The following CTNNA3 variants were observed in gnomAD, a reference collection of about 807,000 sequenced individuals.
CTNNA3 encodes the protein catenin alpha-3.
CTNNA3 carries 76 observed loss-of-function variants against 95.7 expected under a neutral mutation model. That is an observed-to-expected ratio of 0.79 (90% CI 0.66 to 0.96). The LOEUF (loss-of-function observed/expected upper bound fraction) is 0.96, where lower values mean the gene tolerates loss of function less well. CTNNA3 is among the 40% of genes least tolerant of loss of function. CTNNA3 has a pLI of 0.00. For missense variants in CTNNA3, 1,191 were observed against 1,089.8 expected (o/e 1.09, Z -1.31); for synonymous variants, 431 against 374.4 (o/e 1.15, Z -1.74).
At chr10:67,607,873 AT>A (rs933760806) in intron 2 of CTNNA3, among the ~76,000 whole-genome samples, 3 of 152,194 alleles carry the variant, frequency 2.0e-5, no homozygotes, top group Admixed American at 2.0e-4. Context: ...CTGAACACCT[AT>A]TTTTTACATT....
chr10:67,622,368 T>C (rs970368073), intron 2 of CTNNA3, among the ~76,000 whole-genome samples: 13 of 152,290 alleles, frequency 8.5e-5, no homozygotes, highest in African/African-American at 2.2e-4. Context: ...TCTGAATTCA[T>C]TGAGGAAAAG....
intron 1 of CTNNA3, among the ~76,000 whole-genome samples, chr10:67,722,885 C>T (rs1268985517): frequency 2.6e-5 from 4 of 151,860 alleles, no homozygotes; most frequent in Non-Finnish European, 4.4e-5. Flanking sequence ...GATTAAAATC[C>T]CTTCTATGGA....
rs575837338 is a variant in CTNNA3 at position 67,049,593 on chromosome 10, G to A, written c.1047+130724C>T. Among the ~76,000 whole-genome samples, 4 of 151,846 alleles carry A rather than the reference G, an allele frequency of 2.6e-5. No homozygotes were observed. In the East Asian group the frequency reaches 7.7e-4, roughly 29 times the overall value. On this transcript the variant is annotated intron_variant, in intron 7 of 17. Transcript: ENST00000433211. ...CACAAGGTTGCTTTGTGTTTAACTTGAACAAAAAAGGGAAAATAAACAACA... is the reference window on the plus strand; with the variant it reads ...CACAAGGTTGCTTTGTGTTTAACTTAAACAAAAAAGGGAAAATAAACAACA...
intron 7 of CTNNA3, among the ~76,000 whole-genome samples, chr10:66,954,829 T>C (rs1848707089): frequency 6.6e-6 from 1 of 152,090 alleles, no homozygotes; most frequent in African/African-American, 2.4e-5. Flanking sequence ...ATTATAGGCC[T>C]TGGGCTACAA....
Position 65,982,294 on chromosome 10 carries a change from G to A in CTNNA3, c.2265+6398C>T, listed in dbSNP as rs187111577. Among the ~76,000 whole-genome samples, 62 of 150,796 alleles carry A rather than the reference G, an allele frequency of 4.1e-4. 2 individuals carry two copies. The East Asian group carries it at 6.6e-3, about 16-fold the overall frequency. On this transcript the variant is annotated intron_variant, in intron 16 of 17. Coordinates refer to ENST00000433211, the MANE Select transcript of CTNNA3 (RefSeq NM_013266.4). ...GGGAAATGCAAATCAAAACCACAAC[G>A]AGATACCACCTTACTCTTGTAAGAA...
Position 67,740,383 on chromosome 10 carries a change from G to T in CTNNA3, c.-2+23051C>A, listed in dbSNP as rs956408844. Among the ~76,000 whole-genome samples the T allele has an allele frequency of 3.7e-4, 56 of 151,526 alleles. 2 individuals are homozygous for T. The highest frequency in any genetic ancestry group is 2.9e-4 in the Non-Finnish European group (20 of 67,838). On this transcript the variant is annotated intron_variant, in intron 1 of 17. Coordinates refer to the CTNNA3 transcript ENST00000684154. ...AGAGTGAACAGGCAACCCACAAAAT[G>T]GGAGAAAATTTTCACAGCCTGCTCA...
intron 13 of CTNNA3, among the ~76,000 whole-genome samples, chr10:66,132,993 C>A (rs950756298): frequency 6.6e-6 from 1 of 151,712 alleles, no homozygotes; most frequent in Admixed American, 6.6e-5. Flanking sequence ...TACAGCAAAC[C>A]CCCGTGACAC....
At chr10:66,802,419 A>G in intron 7 of CTNNA3, among the ~76,000 whole-genome samples, 1 of 151,774 alleles carries the variant, frequency 6.6e-6, no homozygotes, top group East Asian at 1.9e-4. Context: ...CTCAACATCA[A>G]ATATCATTAC....
chr10:67,640,166 CAAAATCAATGTGCA>C lies in CTNNA3; in HGVS notation c.99+7235_99+7248del, dbSNP rs577746544. On this transcript the variant is annotated intron_variant, in intron 2 of 17. Coordinates refer to ENST00000433211, the MANE Select transcript of CTNNA3 (RefSeq NM_013266.4). ...GCAACTACAGCAAAGTCTCAGGATACAAAATCAATGTGCAAAAATCACAAGCATTCTTATACACC... is the reference window on the plus strand; with the variant it reads ...GCAACTACAGCAAAGTCTCAGGATACAAAATCACAAGCATTCTTATACACC... Among the ~76,000 whole-genome samples the C allele has an allele frequency of 9.9e-3, 1,514 of 152,288 alleles. 31 individuals carry two copies. Among genetic ancestry groups the C allele is most frequent in the African/African-American group, 0.035 (1,442 of 41,558 alleles).
At chr10:66,303,502 A>C (rs2091891840) in intron 12 of CTNNA3, among the ~76,000 whole-genome samples, 1 of 152,052 alleles carries the variant, frequency 6.6e-6, no homozygotes, top group Non-Finnish European at 1.5e-5. Flanking sequence ...GGGTAAAAAA[A>C]CTTTTTTATT....
In CTNNA3 at chr10:67,751,233, G is replaced by A. The variant is rs562107110; in HGVS notation, c.-2+12201C>T. ...CTATCCCTTCGATGCAGAATATTGA[G>A]GTTGAATCTCCTGGTGAGATTACAC... On this transcript the variant is annotated intron_variant, in intron 1 of 17. Transcript: ENST00000684154. 3.6e-5 allele frequency: 46 copies of A among 1,263,390 alleles called. 1 individual carries two copies. In the East Asian group the frequency reaches 1.1e-3, roughly 29 times the overall value. 78.3% of individuals were successfully genotyped at this position (1,263,390 alleles called of 1,614,324 possible).
intron 7 of CTNNA3, among the ~76,000 whole-genome samples, chr10:66,908,257 A>T (rs574584495): frequency 6.6e-6 from 1 of 152,308 alleles, no homozygotes; most frequent in East Asian, 1.9e-4. Context: ...TGCTTCTCAC[A>T]GTGACATCAA....
intron 9 of CTNNA3, among the ~76,000 whole-genome samples, chr10:66,655,596 A>G (rs1846047965): frequency 1.3e-5 from 2 of 152,106 alleles, no homozygotes; most frequent in Non-Finnish European, 2.9e-5. Flanking sequence ...CAGTATGATT[A>G]AAAGTCTGGT....
intron 15 of CTNNA3, among the ~76,000 whole-genome samples, chr10:65,996,054 G>A (rs993140747): frequency 2.0e-5 from 3 of 152,262 alleles, no homozygotes; most frequent in East Asian, 1.9e-4. Context: ...CTCAAGGCAC[G>A]TGCAAGTACA....
At position 67,375,862 on chromosome 10, in the gene CTNNA3, T is replaced by C. The variant is rs9415877; in HGVS notation, c.579+145980A>G. Reference sequence around the variant, plus strand: ...ACAACAGAACAGCTTCAAGAACTCATAGGCTAACCCCCAAAGTGATGATAT... The same window carrying C: ...ACAACAGAACAGCTTCAAGAACTCACAGGCTAACCCCCAAAGTGATGATAT... On this transcript the variant is annotated intron_variant, in intron 5 of 17. Transcript: ENST00000433211. Among the ~76,000 whole-genome samples the C allele has an allele frequency of 6.4e-3, 982 of 152,306 alleles. 6 individuals are homozygous for C. The highest frequency in any genetic ancestry group is 0.017 in the Middle Eastern group (5 of 294).
chr10:66,767,603 A>G (rs1203772668), intron 8 of CTNNA3, among the ~76,000 whole-genome samples: 2 of 152,200 alleles, frequency 1.3e-5, no homozygotes, highest in East Asian at 3.9e-4. Context: ...AGACAGAAAA[A>G]TGTAATTTTT....
chr10:66,497,968 CT>C (rs1199682658), intron 11 of CTNNA3, among the ~76,000 whole-genome samples: 1 of 152,054 alleles, frequency 6.6e-6, no homozygotes, highest in African/African-American at 2.4e-5. Flanking sequence ...GCTTATAGCT[CT>C]TTGTTCAGAG....
In CTNNA3 at chr10:67,311,880, C is replaced by A. The variant is rs563732130; in HGVS notation, c.580-92010G>T. On this transcript the variant is annotated intron_variant, in intron 5 of 17. Coordinates refer to ENST00000433211, the MANE Select transcript of CTNNA3 (RefSeq NM_013266.4). ...TTTTTCAATTCATTTCCCCTAGTAT[C>A]CCAACCCCAACATTCTTTCTACCAC... is the stretch of plus-strand genomic sequence containing the variant. Among the ~76,000 whole-genome samples the A allele has an allele frequency of 2.0e-3, 304 of 151,936 alleles. 4 individuals are homozygous for A. Among genetic ancestry groups the A allele is most frequent in the African/African-American group, 7.0e-3 (289 of 41,436 alleles).
rs557648767 is a variant in CTNNA3, at chr10:67,644,117, C to T, written c.99+3298G>A. On this transcript the variant is annotated intron_variant, in intron 2 of 17. Transcript: ENST00000433211. Reference sequence around the variant, plus strand: ...CCTTGAGGAATTGCCACATTGCCTTCCACAATGGTTGAACTAATTTACACT... The same window carrying T: ...CCTTGAGGAATTGCCACATTGCCTTTCACAATGGTTGAACTAATTTACACT... 8.5e-5 allele frequency among the ~76,000 whole-genome samples: 13 copies of T among 152,326 alleles called. No individual in the cohort carries two copies. The South Asian group carries it at 2.7e-3, about 32-fold the overall frequency.
Sources: allele counts gnomAD v4.1 joint callset (sites outside exome capture counted in the v4.1 genomes callset), GRCh38; gene constraint gnomAD v4.1.1; transcripts MANE v1.5; gene names NCBI Gene and HGNC (gene_info 2026-07-23, HGNC 2026-07-21).